The following NTN4 variants were observed in gnomAD, a reference collection of about 807,000 sequenced individuals.
NTN4 encodes netrin 4, also known as netrin-4.
NTN4 carries 32 observed loss-of-function variants against 73.6 expected under a neutral mutation model. The ratio of observed to expected loss-of-function variants is 0.44; its 90% CI spans 0.33 to 0.58. The LOEUF (loss-of-function observed/expected upper bound fraction) is 0.58, where lower values mean the gene tolerates loss of function less well. NTN4 is among the 20% of genes least tolerant of loss of function. The pLI, the probability that NTN4 is intolerant of heterozygous loss-of-function variation, is 0.04. For missense variants in NTN4, 654 were observed against 798.3 expected (o/e 0.82, Z 2.18); for synonymous variants, 258 against 287.5 (o/e 0.90, Z 1.04).
intron 8 of NTN4, among the ~76,000 whole-genome samples, chr12:95,666,338 G>A (rs1242002632): frequency 1.3e-5 from 2 of 151,680 alleles, no homozygotes; most frequent in East Asian, 3.9e-4. Flanking sequence ...TTGGATGATG[G>A]GTGTACTAAA....
chr12:95,689,786 T>C (rs1429985475), intron 5 of NTN4, among the ~76,000 whole-genome samples: 1 of 152,234 alleles, frequency 6.6e-6, no homozygotes, highest in African/African-American at 2.4e-5. Flanking sequence ...CAGTTGAGTA[T>C]GATTTACCCT....
At chr12:95,691,706 T>G (rs1412582665) in intron 5 of NTN4, among the ~76,000 whole-genome samples, 1 of 152,188 alleles carries the variant, frequency 6.6e-6, no homozygotes, top group African/African-American at 2.4e-5. Context: ...GTCTTCTTGT[T>G]AGACCCAACA....
chr12:95,738,421 A>G (rs964921038), intron 2 of NTN4, among the ~76,000 whole-genome samples: 2 of 152,224 alleles, frequency 1.3e-5, no homozygotes, highest in South Asian at 4.1e-4. Flanking sequence ...TGCCAGGAAG[A>G]GCATTCTGGG....
intron 3 of NTN4, among the ~76,000 whole-genome samples, chr12:95,727,815 T>C (rs1331659621): frequency 6.6e-6 from 1 of 152,226 alleles, no homozygotes; most frequent in Non-Finnish European, 1.5e-5. Flanking sequence ...TAGGTTCAGC[T>C]GGTCCATTTC....
At chr12:95,681,473 T>A (rs1054146017) in intron 7 of NTN4, among the ~76,000 whole-genome samples, 3 of 152,172 alleles carry the variant, frequency 2.0e-5, no homozygotes, top group Non-Finnish European at 4.4e-5. Context: ...TTGCATAACA[T>A]TTTTACTACT....
At chr12:95,716,277 T>G (rs1468510005) in intron 3 of NTN4, among the ~76,000 whole-genome samples, 1 of 152,124 alleles carries the variant, frequency 6.6e-6, no homozygotes, top group Non-Finnish European at 1.5e-5. Flanking sequence ...AACTTCTAAG[T>G]GCAGTCCCTG....
At chr12:95,763,201 A>C (rs1443549188) in intron 2 of NTN4, among the ~76,000 whole-genome samples, 1 of 152,226 alleles carries the variant, frequency 6.6e-6, no homozygotes, top group Non-Finnish European at 1.5e-5. Context: ...ATTCTTGAAA[A>C]TTGATCTCTA....
intron 3 of NTN4, among the ~76,000 whole-genome samples, chr12:95,717,120 C>T (rs2078611859): frequency 6.6e-6 from 1 of 152,068 alleles, no homozygotes; most frequent in Admixed American, 6.6e-5. Flanking sequence ...CTCTTTTCCA[C>T]TTTTTAGCAA....
intron 2 of NTN4, among the ~76,000 whole-genome samples, chr12:95,754,768 C>G (rs898475357): frequency 3.3e-5 from 5 of 152,272 alleles, no homozygotes; most frequent in Admixed American, 3.3e-4. Context: ...AAAACGGCCC[C>G]ACCCCATCTC....
At chr12:95,677,154 G>A (rs889876193) in intron 7 of NTN4, among the ~76,000 whole-genome samples, 11 of 151,978 alleles carry the variant, frequency 7.2e-5, no homozygotes, top group African/African-American at 2.4e-4. Context: ...GCTTGAACCC[G>A]GGAGGCAGAG....
At chr12:95,752,340 GT>G in intron 2 of NTN4, among the ~76,000 whole-genome samples, 1 of 147,448 alleles carries the variant, frequency 6.8e-6, no homozygotes, top group Non-Finnish European at 1.5e-5. Flanking sequence ...TATCCACCCC[GT>G]GGTGCCAAAC....
intron 7 of NTN4, among the ~76,000 whole-genome samples, chr12:95,674,997 T>C (rs576494647): frequency 5.9e-5 from 9 of 152,218 alleles, no homozygotes; most frequent in Non-Finnish European, 1.3e-4. Flanking sequence ...CAGATTTGGT[T>C]TAGCAAACTT....
intron 5 of NTN4, among the ~76,000 whole-genome samples, chr12:95,707,605 AC>A (rs2078530116): frequency 6.6e-6 from 1 of 152,136 alleles, no homozygotes; most frequent in Non-Finnish European, 1.5e-5. Context: ...TGAACTTCTC[AC>A]ATACTGTATA....
At chr12:95,690,732 C>T (rs148465838) in intron 5 of NTN4, among the ~76,000 whole-genome samples, 10 of 151,732 alleles carry the variant, frequency 6.6e-5, no homozygotes, top group Admixed American at 2.6e-4. Context: ...TTTGAGATGA[C>T]GAAACCTATA....
At chr12:95,748,075 C>G (rs944895229) in intron 2 of NTN4, among the ~76,000 whole-genome samples, 2 of 151,384 alleles carry the variant, frequency 1.3e-5, no homozygotes, top group Non-Finnish European at 2.9e-5. Context: ...ACTAAAAATA[C>G]GAAACATTAG....
intron 5 of NTN4, among the ~76,000 whole-genome samples, chr12:95,687,612 G>A (rs756757202): frequency 1.3e-5 from 2 of 151,966 alleles, no homozygotes; most frequent in Non-Finnish European, 2.9e-5. Context: ...TGTTGGCCAG[G>A]CTGGTCTCGA....
chr12:95,681,044 C>A (rs1169485217), intron 7 of NTN4, among the ~76,000 whole-genome samples: 5 of 151,868 alleles, frequency 3.3e-5, no homozygotes. Flanking sequence ...AAAAAATTAG[C>A]CAGGTGTGGT....
At chr12:95,659,330 C>T in intron 9 of NTN4, 108 bp from the exon 10 acceptor site, 1 of 813,714 alleles carries the variant, frequency 1.2e-6, no homozygotes, top group Non-Finnish European at 1.9e-6. Flanking sequence ...AGGTCTTGCT[C>T]TGTTACCCAG....
chr12:95,720,875 T>A (rs2078642898), intron 3 of NTN4, among the ~76,000 whole-genome samples: 1 of 152,234 alleles, frequency 6.6e-6, no homozygotes, highest in African/African-American at 2.4e-5. Context: ...TAGCTCTTAC[T>A]ATATACCCAG....
Sources: allele counts gnomAD v4.1 joint callset (sites outside exome capture counted in the v4.1 genomes callset), GRCh38; gene constraint gnomAD v4.1.1; transcripts MANE v1.5; gene names NCBI Gene and HGNC (gene_info 2026-07-23, HGNC 2026-07-21).